Variants in MATR3 observed in about 807,000 individuals in gnomAD.
The protein encoded by MATR3 is matrin 3.
Under a neutral mutation model 85.5 loss-of-function variants are expected in MATR3, and 4 were observed. The ratio of observed to expected loss-of-function variants is 0.05; its 90% CI spans 0.02 to 0.11. The LOEUF is 0.11. MATR3 is among the 10% of genes least tolerant of loss of function. MATR3 has a pLI of 1.00. For missense variants in MATR3, 685 were observed against 1,016.1 expected, an observed-to-expected ratio of 0.67 and a Z score of 4.43; for synonymous variants, 336 against 343.1, an observed-to-expected ratio of 0.98 and a Z score of 0.23.
intron 8 of MATR3, 52 bp downstream of exon 8, chr5:139,319,085 A>C (rs781127519): frequency 1.3e-6 from 2 of 1,553,750 alleles, no homozygotes; most frequent in African/African-American, 1.4e-5. Flanking sequence ...TGATTTTAAT[A>C]GTTATTAACT....
intron 2 of MATR3, among the ~76,000 whole-genome samples, chr5:139,309,083 T>C (rs1333337206): frequency 6.6e-6 from 1 of 152,212 alleles, no homozygotes; most frequent in African/African-American, 2.4e-5. Context: ...ACTTCTGAAA[T>C]AGTCATTTGA....
At chr5:139,305,655 C>G (rs1262380204) in intron 1 of MATR3, among the ~76,000 whole-genome samples, 1 of 152,108 alleles carries the variant, frequency 6.6e-6, no homozygotes, top group African/African-American at 2.4e-5. Context: ...TCCACTTATT[C>G]TCGTCTTTAT....
upstream of MATR3, among the ~76,000 whole-genome samples, chr5:139,290,804 T>C: frequency 6.6e-6 from 1 of 152,064 alleles, no homozygotes; most frequent in Non-Finnish European, 1.5e-5. Flanking sequence ...ACTTGTAAAT[T>C]TGTCACTAAC....
intron 1 of MATR3, among the ~76,000 whole-genome samples, chr5:139,302,367 C>T (rs941778540): frequency 6.6e-6 from 1 of 152,012 alleles, no homozygotes; most frequent in Non-Finnish European, 1.5e-5. Flanking sequence ...GTGGCTGAAA[C>T]TCTAGGAAAA....
chr5:139,288,239 C>A (rs1753768854), intron 3 of MATR3, among the ~76,000 whole-genome samples: 1 of 152,128 alleles, frequency 6.6e-6, no homozygotes, highest in East Asian at 1.9e-4. Flanking sequence ...CAAACAAAAA[C>A]CAAACTTTTT....
At chr5:139,329,271 T>G in intron 14 of MATR3, 74 bp from the exon 15 acceptor site, 1 of 1,054,210 alleles carries the variant, frequency 9.5e-7, no homozygotes, top group East Asian at 2.4e-5. Flanking sequence ...TATAGGATAT[T>G]TGATTTTGGA....
Position 139,316,141 on chromosome 5 carries a change from C to T in MATR3, c.1082C>T (p.Pro361Leu). Residue 361 changes from proline (P) to leucine (L), a missense_variant, in exon 5 of 15, where the codon CCC becomes CTC. This residue lies in a region of MATR3 where 223 missense variants were observed against 334.4 expected (regional missense o/e 0.67). Transcript: ENST00000394805. ...PAPGILGPPP[P>L]SFHLGGPAVG... ...CCAGGAATTCTGGGACCTCCACCTC[C>T]CTCATTTCATCTTGGGGGACCAGCA... 6.2e-7 allele frequency: 1 copy of T among 1,613,982 alleles called. No homozygotes were observed. The highest frequency in any genetic ancestry group is 8.5e-7 in the Non-Finnish European group (1 of 1,179,986).
chr5:139,308,757 T>G (rs1754828706), intron 2 of MATR3, among the ~76,000 whole-genome samples: 1 of 152,240 alleles, frequency 6.6e-6, no homozygotes, highest in African/African-American at 2.4e-5. Context: ...TCTTGAACAA[T>G]TCTCTTTTTT....
chr5:139,321,424 G>T (rs1755561898), intron 9 of MATR3, among the ~76,000 whole-genome samples: 1 of 152,078 alleles, frequency 6.6e-6, no homozygotes, highest in African/African-American at 2.4e-5. Context: ...AAAGTGTTGG[G>T]ATTACAGGTG....
intron 2 of MATR3, among the ~76,000 whole-genome samples, chr5:139,276,819 C>T (rs1026435698): frequency 1.3e-5 from 2 of 152,108 alleles, no homozygotes; most frequent in African/African-American, 4.8e-5. Flanking sequence ...AGTCATGACA[C>T]CCTTTGTAGA....
At chr5:139,321,602 G>A (rs1755572630) in intron 9 of MATR3, among the ~76,000 whole-genome samples, 1 of 152,114 alleles carries the variant, frequency 6.6e-6, no homozygotes, top group Non-Finnish European at 1.5e-5. Context: ...AGGCAACATG[G>A]CGAAACTGCA....
At chr5:139,301,323 C>CT (rs1300068116) in intron 1 of MATR3, among the ~76,000 whole-genome samples, 1 of 151,562 alleles carries the variant, frequency 6.6e-6, no homozygotes, top group Non-Finnish European at 1.5e-5. Context: ...AGAATGGAGC[C>CT]TTTTTTCTTT....
intron 2 of MATR3, among the ~76,000 whole-genome samples, chr5:139,309,707 G>A (rs555425548): frequency 5.9e-5 from 9 of 152,122 alleles, no homozygotes; most frequent in African/African-American, 2.2e-4. Context: ...TATATGTTTT[G>A]GGTGTTACCT....
chr5:139,290,638 C>T (rs1753843819), upstream of MATR3, among the ~76,000 whole-genome samples: 1 of 151,494 alleles, frequency 6.6e-6, no homozygotes, highest in African/African-American at 2.4e-5. Flanking sequence ...TTTGTAGAGA[C>T]ATGGTTTCAC....
rs201037038 is a variant in MATR3 at position 139,321,984 on chromosome 5, T to C, written c.1689T>C (p.Cys563=). The change falls in exon 10 of 15, where the codon TGT becomes TGC. Residue 563 remains cysteine (C), a synonymous_variant. Transcript: ENST00000394805. ...AAGCCCTTTGGTTTCAGGGGAGATG[T>C]GTGAAGGTTGACCTGTCTGAGAAAT... ...LKKALWFQGR[C]VKVDLSEKYK... is the part of the protein sequence containing the mutation. 18 of 1,614,092 alleles carry C rather than the reference T, an allele frequency of 1.1e-5. No homozygotes were observed. The Admixed American group carries it at 2.3e-4, about 21-fold the overall frequency.
intron 1 of MATR3, among the ~76,000 whole-genome samples, chr5:139,300,356 C>G (rs1206970361): frequency 6.6e-6 from 1 of 152,132 alleles, no homozygotes; most frequent in East Asian, 1.9e-4. Flanking sequence ...CTGTGCGAGA[C>G]TCTGTCTCAA....
Position 139,314,723 on chromosome 5 carries a change from C to T in MATR3, c.961C>T (p.Leu321Phe), listed in dbSNP as rs1364085173. ...AGCAAGTCACAGTCGTCGATGCCAG[C>T]TTCTTCTTGAAATGTAGGAGTTTGA... ...NGASHSRRCQ[L>F]LLEIYPEWNP... Residue 321 changes from leucine to phenylalanine, a missense_variant, in exon 3 of 15, where the codon CTT becomes TTT. Physicochemically the swap from Leu to Phe is conservative, Grantham distance 22. Coordinates refer to ENST00000394805, the MANE Select transcript of MATR3 (RefSeq NM_018834.6). 1.2e-6 allele frequency: 2 copies of T among 1,613,686 alleles called. No homozygotes were observed. Among genetic ancestry groups the T allele is most frequent in the South Asian group, 2.2e-5 (2 of 91,078 alleles).
chr5:139,316,251 A>G (rs1755236786), intron 5 of MATR3, 63 bp downstream of exon 5: 5 of 1,262,338 alleles, frequency 4.0e-6, no homozygotes, highest in East Asian at 4.8e-5. Flanking sequence ...TTTTCTTTTT[A>G]TTTATTTATT....
intron 2 of MATR3, chr5:139,313,681 A>T (rs1324864285): frequency 6.6e-6 from 1 of 152,182 alleles, no homozygotes; most frequent in East Asian, 1.9e-4. Context: ...TCCCACCCTA[A>T]ATTTGGAAAG....
Sources: allele counts gnomAD v4.1 joint callset (sites outside exome capture counted in the v4.1 genomes callset), GRCh38; gene constraint gnomAD v4.1.1; regional missense constraint gnomAD v4.1.1; transcripts MANE v1.5; gene names NCBI Gene and HGNC (gene_info 2026-07-23, HGNC 2026-07-21).